The following HPSE2 variants were observed in gnomAD, a reference collection of about 807,000 sequenced individuals.
HPSE2 encodes the protein inactive heparanase-2.
A neutral mutation model predicts 60.5 loss-of-function variants in HPSE2; 38 were observed. The observed-to-expected ratio is 0.63, with a 90% CI of 0.48 to 0.82. HPSE2 has a LOEUF of 0.82. HPSE2 is among the 40% of genes least tolerant of loss of function. The pLI, the probability that HPSE2 is intolerant of heterozygous loss-of-function variation, is 0.00. For synonymous variants in HPSE2, 295 were observed against 293.2 expected, an observed-to-expected ratio of 1.01 and a Z score of -0.06; for missense variants, 713 against 740.4, an observed-to-expected ratio of 0.96 and a Z score of 0.43.
chr10:98,722,199 G>C (rs1479018071), intron 4 of HPSE2, among the ~76,000 whole-genome samples: 1 of 148,470 alleles, frequency 6.7e-6, no homozygotes, highest in Non-Finnish European at 1.5e-5. Context: ...GATATAATTA[G>C]TTATGATAAG....
At position 99,235,729 on chromosome 10, in the gene HPSE2, C is replaced by G. The variant is rs550903865; in HGVS notation, c.74G>C (p.Gly25Ala). Residue 25 changes from glycine to alanine, a missense_variant, in exon 1 of 12, where the codon GGG (glycine) becomes GCG (alanine). By Grantham distance (60) the Gly-to-Ala change is moderately conservative. Coordinates refer to ENST00000370552, the MANE Select transcript of HPSE2 (RefSeq NM_021828.5). ...GAGCAACAGAGCCAAGTAGAGAGCC[C>G]CCGGGGCTAGGCACGCGGGGGGGCG... ...NSRPPACLAP[G>A]ALYLALLLHL... 136 of 1,613,954 alleles carry G rather than the reference C, an allele frequency of 8.4e-5. 1 individual carries two copies. The South Asian group carries it at 1.4e-3, about 17-fold the overall frequency.
intron 3 of HPSE2, among the ~76,000 whole-genome samples, chr10:99,114,969 T>G (rs371375523): frequency 1.1e-4 from 17 of 151,262 alleles, no homozygotes; most frequent in African/African-American, 3.6e-4. Context: ...TATCCTTTAG[T>G]TTTTTTTGTT....
At chr10:99,124,099 C>A (rs1023835379) in intron 3 of HPSE2, among the ~76,000 whole-genome samples, 1 of 152,112 alleles carries the variant, frequency 6.6e-6, no homozygotes, top group Non-Finnish European at 1.5e-5. Context: ...TGAGGCTGCG[C>A]CTGGGCACTG....
intron 9 of HPSE2, among the ~76,000 whole-genome samples, 189 bp from the exon 10 acceptor site, chr10:98,490,385 G>C (rs1355610454): frequency 6.6e-6 from 1 of 152,098 alleles, no homozygotes; most frequent in Non-Finnish European, 1.5e-5. Flanking sequence ...ACACGAACGT[G>C]GGTTGATAAT....
At chr10:98,667,134 G>A (rs1947384445) in intron 6 of HPSE2, among the ~76,000 whole-genome samples, 1 of 151,974 alleles carries the variant, frequency 6.6e-6, no homozygotes, top group African/African-American at 2.4e-5. Context: ...GATCCTCAGG[G>A]ACTATTATGA....
chr10:98,494,833 T>C (rs1941776376), intron 9 of HPSE2, among the ~76,000 whole-genome samples: 1 of 152,192 alleles, frequency 6.6e-6, no homozygotes, highest in African/African-American at 2.4e-5. Context: ...GCTTCTAGAC[T>C]AATAATTGTT....
At chr10:99,059,763 C>A (rs920900318) in intron 3 of HPSE2, among the ~76,000 whole-genome samples, 2 of 152,104 alleles carry the variant, frequency 1.3e-5, no homozygotes, top group Admixed American at 6.6e-5. Flanking sequence ...ATATTTTTAA[C>A]AGTTCTCACT....
intron 6 of HPSE2, among the ~76,000 whole-genome samples, chr10:98,650,114 C>T (rs376392173): frequency 1.2e-4 from 18 of 152,320 alleles, no homozygotes; most frequent in African/African-American, 3.6e-4. Context: ...TGTGACACTT[C>T]AGGGCTAAAG....
Position 98,565,169 on chromosome 10 carries a change from T to TTA in HPSE2, c.1320+49734_1320+49735insTA, listed in dbSNP as rs397734608. On this transcript the variant is annotated intron_variant, in intron 9 of 11. Transcript: ENST00000370552. ...CAAAACTTGAAGAATTTTTTTTTTTTAATTTTACTTTAAGTTCCAGGATAC... is the reference window on the plus strand; with the variant it reads ...CAAAACTTGAAGAATTTTTTTTTTTTTAAATTTTACTTTAAGTTCCAGGATAC... Among the ~76,000 whole-genome samples, 7 of 151,460 alleles carry TTA rather than the reference T, an allele frequency of 4.6e-5. No individual in the cohort carries two copies. The East Asian group carries it at 5.8e-4, about 13-fold the overall frequency.
the HPSE2 span, among the ~76,000 whole-genome samples, chr10:99,264,358 A>G: frequency 6.6e-6 from 1 of 152,092 alleles, no homozygotes; most frequent in South Asian, 2.1e-4. Context: ...AAGTGCTGGG[A>G]TTACAGGCGT....
chr10:99,104,016 A>C (rs557652493), intron 3 of HPSE2, among the ~76,000 whole-genome samples: 5 of 152,350 alleles, frequency 3.3e-5, no homozygotes, highest in African/African-American at 1.2e-4. Flanking sequence ...TGTTAGACCT[A>C]AAACCATAAA....
At chr10:98,581,943 A>C (rs1467965871) in intron 9 of HPSE2, among the ~76,000 whole-genome samples, 1 of 151,088 alleles carries the variant, frequency 6.6e-6, no homozygotes, top group African/African-American at 2.4e-5. Context: ...AAGAACTCCC[A>C]GTTGTTTAGT....
chr10:98,477,175 G>A (rs1276335179), intron 11 of HPSE2, among the ~76,000 whole-genome samples: 2 of 152,142 alleles, frequency 1.3e-5, no homozygotes, highest in Non-Finnish European at 2.9e-5. Flanking sequence ...TGGAAGGGAG[G>A]CAGGAATTAT....
chr10:98,611,857 G>T (rs1945771042), intron 9 of HPSE2, among the ~76,000 whole-genome samples: 2 of 152,190 alleles, frequency 1.3e-5, no homozygotes. Flanking sequence ...AAATACAGCT[G>T]CCCAGATCAT....
chr10:98,782,907 T>C (rs1265070763), intron 3 of HPSE2, among the ~76,000 whole-genome samples: 1 of 46,778 alleles, frequency 2.1e-5, no homozygotes, highest in Non-Finnish European at 5.2e-5. Flanking sequence ...CTTCCCTGTT[T>C]GTTTATTTTT....
In HPSE2 at chr10:99,178,983, G is replaced by A. The variant is rs186593571; in HGVS notation, c.449-34584C>T. 3.4e-4 allele frequency among the ~76,000 whole-genome samples: 51 copies of A among 152,180 alleles called. 1 individual carries two copies. In the East Asian group the frequency reaches 5.6e-3, roughly 17 times the overall value. ...GTTCAACATACACAAATCAATAAAC[G>A]TAATCCATCACATAAACAGAACCAA... On this transcript the variant is annotated intron_variant, in intron 2 of 11. Transcript: ENST00000370552.
the HPSE2 span, among the ~76,000 whole-genome samples, chr10:99,276,783 T>G: frequency 3.9e-3 from 599 of 152,292 alleles, 3 homozygotes; most frequent in African/African-American, 0.014. Context: ...CATTTAGTTC[T>G]ACAGAAGTAC....
At chr10:99,036,026 C>T (rs1337090350) in intron 3 of HPSE2, among the ~76,000 whole-genome samples, 2 of 151,912 alleles carry the variant, frequency 1.3e-5, no homozygotes, top group Non-Finnish European at 2.9e-5. Flanking sequence ...GACAGGGCAA[C>T]AAAGCAAGAC....
intron 2 of HPSE2, among the ~76,000 whole-genome samples, chr10:99,206,474 C>T (rs1000442025): frequency 1.3e-5 from 2 of 151,354 alleles, no homozygotes; most frequent in Non-Finnish European, 2.9e-5. Context: ...GCGCTATGGT[C>T]TCAGCTACCT....
Sources: allele counts gnomAD v4.1 joint callset (sites outside exome capture counted in the v4.1 genomes callset), GRCh38; gene constraint gnomAD v4.1.1; transcripts MANE v1.5; gene names NCBI Gene and HGNC (gene_info 2026-07-23, HGNC 2026-07-21).